PCDH11X: variants seen among roughly 807,000 people sequenced by gnomAD.
The protein encoded by PCDH11X is protocadherin 11 X-linked.
In PCDH11X, 18 loss-of-function variants were observed where a neutral mutation model predicts 53.3. That is an observed-to-expected ratio of 0.34 (90% CI 0.23 to 0.50). The LOEUF is 0.50. PCDH11X is among the 20% of genes least tolerant of loss of function. The pLI, the probability that PCDH11X is intolerant of heterozygous loss-of-function variation, is 0.98. For missense variants in PCDH11X, 570 were observed against 1,032.4 expected, an observed-to-expected ratio of 0.55 and a Z score of 6.14; for synonymous variants, 279 against 393.3, an observed-to-expected ratio of 0.71 and a Z score of 3.44.
At chrX:91,957,498 A>C (rs1602561962) in intron 6 of PCDH11X, among the ~76,000 whole-genome samples, 2 of 109,972 alleles carry the variant, frequency 1.8e-5, no homozygotes, top group South Asian at 7.6e-4. Flanking sequence ...TTTCCTTTTG[A>C]CAGTCAGGCT....
chrX:91,896,563 T>C (rs1222709904), intron 6 of PCDH11X, among the ~76,000 whole-genome samples: 1 of 76,218 alleles, frequency 1.3e-5, no homozygotes, highest in East Asian at 4.3e-4. Context: ...ATTTTAGAGA[T>C]GGAATGGATC....
intron 10 of PCDH11X, among the ~76,000 whole-genome samples, chrX:92,611,127 A>G (rs1221613324): frequency 9.1e-6 from 1 of 109,736 alleles, no homozygotes; most frequent in Non-Finnish European, 1.9e-5. Context: ...TTTTTTTTCA[A>G]ATTCTGGAAA....
intron 6 of PCDH11X, among the ~76,000 whole-genome samples, chrX:91,918,676 C>T (rs1941650600): frequency 9.0e-6 from 1 of 110,739 alleles, no homozygotes; most frequent in East Asian, 2.8e-4. Context: ...ACATTTTGTA[C>T]TAATGGTGGA....
At chrX:92,575,936 T>TACACACAC (rs1462543427) in intron 10 of PCDH11X, among the ~76,000 whole-genome samples, 342 of 26,205 alleles carry the variant, frequency 0.013, 21 homozygotes, top group Non-Finnish European at 0.016. Context: ...TATATATATA[T>TACACACAC]ATATATATAC....
chrX:91,782,787 C>A (rs771283324), intron 1 of PCDH11X, among the ~76,000 whole-genome samples: 111 of 111,742 alleles, frequency 9.9e-4, no homozygotes, highest in African/African-American at 3.1e-3. Flanking sequence ...GACGGAAGCC[C>A]GCTGCGGCTT....
At chrX:91,840,555 G>A (rs949257744) in intron 5 of PCDH11X, among the ~76,000 whole-genome samples, 25 of 111,435 alleles carry the variant, frequency 2.2e-4, no homozygotes, top group Non-Finnish European at 2.8e-4. Context: ...AGCTGGACTG[G>A]ATTTATGAAA....
At chrX:92,094,870 A>G (rs2064109773) in intron 6 of PCDH11X, among the ~76,000 whole-genome samples, 1 of 112,101 alleles carries the variant, frequency 8.9e-6, no homozygotes, top group African/African-American at 3.2e-5. Flanking sequence ...GAGGTTTAGA[A>G]AAACATTAAC....
At chrX:92,102,402 C>T (rs1255231741) in intron 6 of PCDH11X, among the ~76,000 whole-genome samples, 1 of 111,268 alleles carries the variant, frequency 9.0e-6, no homozygotes, top group Non-Finnish European at 1.9e-5. Flanking sequence ...AGGGTTCAGT[C>T]CTGGCTCTTG....
intron 6 of PCDH11X, among the ~76,000 whole-genome samples, chrX:92,035,315 A>G: frequency 9.0e-6 from 1 of 111,680 alleles, no homozygotes; most frequent in Non-Finnish European, 1.9e-5. Context: ...CATTTCTTGT[A>G]GCACGTATCT....
chrX:92,554,368 A>G (rs1271269422), intron 10 of PCDH11X, among the ~76,000 whole-genome samples: 1 of 103,392 alleles, frequency 9.7e-6, no homozygotes, highest in Admixed American at 1.1e-4. Context: ...TTAGCCTGAT[A>G]TTCCAGGCCC....
intron 8 of PCDH11X, among the ~76,000 whole-genome samples, chrX:92,292,638 C>A (rs866081567): frequency 9.0e-6 from 1 of 111,303 alleles, no homozygotes; most frequent in Non-Finnish European, 1.9e-5. Flanking sequence ...GTCTTTCTAC[C>A]TTTTGCTATG....
chrX:92,423,685 T>C (rs1297947651), intron 9 of PCDH11X, among the ~76,000 whole-genome samples: 1 of 95,285 alleles, frequency 1.0e-5, no homozygotes, highest in Admixed American at 1.1e-4. Flanking sequence ...GAGATGAGGA[T>C]CCAGTTTCAT....
intron 9 of PCDH11X, among the ~76,000 whole-genome samples, chrX:92,407,136 C>A (rs986599814): frequency 9.5e-6 from 1 of 105,251 alleles, no homozygotes; most frequent in African/African-American, 3.5e-5. Context: ...CTGTTGACTC[C>A]TTTTGCATGT....
intron 6 of PCDH11X, among the ~76,000 whole-genome samples, chrX:92,077,608 AGAAGGAAGGAAGGGAGGAAG>A (rs1238420481): frequency 2.2e-5 from 2 of 88,919 alleles, no homozygotes; most frequent in Non-Finnish European, 4.4e-5. Context: ...GTTTCAAAAA[AGAAGGAAGGAAGGGAGGAAG>A]GAAGGAAGGA....
At chrX:92,228,075 T>C (rs1163550926) in intron 7 of PCDH11X, among the ~76,000 whole-genome samples, 1 of 111,488 alleles carries the variant, frequency 9.0e-6, no homozygotes, top group Non-Finnish European at 1.9e-5. Context: ...GTGTTCACAG[T>C]GTTTAAGGGA....
chrX:91,973,172 G>T (rs2061992536), intron 6 of PCDH11X, among the ~76,000 whole-genome samples: 1 of 105,880 alleles, frequency 9.4e-6, no homozygotes, highest in Admixed American at 1.0e-4. Flanking sequence ...ATCATTCTCA[G>T]TAAACTATCG....
intron 9 of PCDH11X, among the ~76,000 whole-genome samples, chrX:92,405,726 G>A (rs1295998506): frequency 9.3e-6 from 1 of 107,614 alleles, no homozygotes; most frequent in African/African-American, 3.4e-5. Context: ...AGATATGAAA[G>A]TAAAAGTTAG....
At chrX:92,019,605 T>A (rs1172853294) in intron 6 of PCDH11X, among the ~76,000 whole-genome samples, 1 of 112,095 alleles carries the variant, frequency 8.9e-6, no homozygotes, top group Non-Finnish European at 1.9e-5. Context: ...TGCTCCTGAA[T>A]AACTTTCGGG....
chrX:92,576,269 C>CTGGCTATG (rs2148780530), intron 10 of PCDH11X, among the ~76,000 whole-genome samples: 1 of 96,898 alleles, frequency 1.0e-5, no homozygotes, highest in East Asian at 3.3e-4. Flanking sequence ...CCCTTATTTC[C>CTGGCTATG]TGGCTATGTG....
Sources: allele counts gnomAD v4.1 joint callset (sites outside exome capture counted in the v4.1 genomes callset), GRCh38; gene constraint gnomAD v4.1.1; transcripts MANE v1.5; gene names NCBI Gene and HGNC (gene_info 2026-07-23, HGNC 2026-07-21).